The following DLGAP1 variants were observed in gnomAD, a reference collection of about 807,000 sequenced individuals.
DLGAP1 encodes the protein disks large-associated protein 1.
A neutral mutation model predicts 90.8 loss-of-function variants in DLGAP1; 11 were observed. That is an observed-to-expected ratio of 0.12 (90% CI 0.08 to 0.20). The LOEUF (loss-of-function observed/expected upper bound fraction) is 0.20, where lower values mean the gene tolerates loss of function less well. Ranked by LOEUF, DLGAP1 falls within the 10% of genes least tolerant of loss-of-function variation. The pLI, the probability that DLGAP1 is intolerant of heterozygous loss-of-function variation, is 1.00. For missense variants in DLGAP1, 1,050 were observed against 1,333.8 expected, an observed-to-expected ratio of 0.79 and a Z score of 3.31; for synonymous variants, 558 against 540.7, an observed-to-expected ratio of 1.03 and a Z score of -0.44.
intron 2 of DLGAP1, among the ~76,000 whole-genome samples, chr18:4,127,957 G>GT (rs1275521625): frequency 3.9e-5 from 6 of 152,292 alleles, no homozygotes; most frequent in African/African-American, 1.4e-4. Flanking sequence ...ATAGTCCACA[G>GT]TAAGACTGAG....
chr18:4,127,109 G>A (rs2076244253), intron 2 of DLGAP1, among the ~76,000 whole-genome samples: 1 of 152,120 alleles, frequency 6.6e-6, no homozygotes, highest in Non-Finnish European at 1.5e-5. Flanking sequence ...TTTCAGAAGA[G>A]GAACTGGAAG....
intron 1 of DLGAP1, among the ~76,000 whole-genome samples, chr18:4,181,635 G>A (rs1196751333): frequency 1.3e-5 from 2 of 151,984 alleles, no homozygotes; most frequent in African/African-American, 4.8e-5. Context: ...CACTATATCT[G>A]GACGACAATC....
chr18:3,965,807 G>A (rs932449979), intron 3 of DLGAP1, among the ~76,000 whole-genome samples: 3 of 151,798 alleles, frequency 2.0e-5, no homozygotes, highest in Non-Finnish European at 2.9e-5. Flanking sequence ...AATTATCCAG[G>A]CGTGATGGCA....
At chr18:4,019,627 G>A (rs147905293) in intron 2 of DLGAP1, among the ~76,000 whole-genome samples, 4 of 96,192 alleles carry the variant, frequency 4.2e-5, no homozygotes, top group Middle Eastern at 6.3e-3. Context: ...AGATAGTCAG[G>A]TTGTTTGGGG....
rs2075648523 is a variant in DLGAP1, at chr18:4,084,008, T to G, written c.-159+67172A>C. ...GGGGGCTTGGAGAATGAGTGCAAGG[T>G]TTTATTGAGTGGTGGAAGTAGCTCC... is the stretch of plus-strand genomic sequence containing the variant. On this transcript the variant is annotated intron_variant, in intron 2 of 12. Coordinates refer to ENST00000315677, the MANE Select transcript of DLGAP1 (RefSeq NM_004746.4). This position sits in a 1 kb window ranked among gnomAD's most constrained non-coding sequence, Gnocchi z 4.0. 6.6e-6 allele frequency among the ~76,000 whole-genome samples: 1 copy of G among 151,536 alleles called. No individual in the cohort carries two copies. The highest frequency in any genetic ancestry group is 6.6e-5 in the Admixed American group (1 of 15,224).
intron 7 of DLGAP1, among the ~76,000 whole-genome samples, chr18:3,632,581 G>T (rs933912554): frequency 1.3e-5 from 2 of 152,260 alleles, no homozygotes; most frequent in South Asian, 4.1e-4. Context: ...ACGATTACAG[G>T]TGTGAGCCAT....
At chr18:4,284,143 C>T (rs1175530627) in intron 1 of DLGAP1, among the ~76,000 whole-genome samples, 1 of 151,100 alleles carries the variant, frequency 6.6e-6, no homozygotes, top group Non-Finnish European at 1.5e-5. Flanking sequence ...GCACTATGAT[C>T]CACCTGTGAG....
chr18:4,033,055 C>A (rs900049021), intron 2 of DLGAP1, among the ~76,000 whole-genome samples: 7 of 152,060 alleles, frequency 4.6e-5, no homozygotes, highest in African/African-American at 1.7e-4. Flanking sequence ...ATAAAATAGT[C>A]CTTAATCAAT....
At position 4,330,026 on chromosome 18, in the gene DLGAP1, AAT is replaced by A. The variant is rs1007623999; in HGVS notation, c.-267+124978_-267+124979del. Among the ~76,000 whole-genome samples the A allele has an allele frequency of 1.1e-3, 174 of 152,122 alleles. 3 individuals are homozygous for A. The highest frequency in any genetic ancestry group is 3.2e-3 in the African/African-American group (131 of 41,570). ...TGAATTTTTTTTTGATATTTTAAAC[AAT>A]AGATTAAAATGCTTGATAGACATTG... On this transcript the variant is annotated intron_variant, in intron 1 of 12. Coordinates refer to ENST00000315677, the MANE Select transcript of DLGAP1 (RefSeq NM_004746.4).
At chr18:4,001,913 T>A (rs1377506578) in intron 3 of DLGAP1, among the ~76,000 whole-genome samples, 1 of 152,180 alleles carries the variant, frequency 6.6e-6, no homozygotes, top group Non-Finnish European at 1.5e-5. Flanking sequence ...ACTTGTGAAC[T>A]GTTTTTGTTT....
At chr18:4,063,946 T>C (rs188693649) in intron 2 of DLGAP1, among the ~76,000 whole-genome samples, 1 of 152,184 alleles carries the variant, frequency 6.6e-6, no homozygotes, top group African/African-American at 2.4e-5. Flanking sequence ...TTTTAGTGAA[T>C]CTTTAAGGGG....
intron 3 of DLGAP1, among the ~76,000 whole-genome samples, chr18:3,931,817 AG>A (rs1362862803): frequency 6.6e-6 from 1 of 152,170 alleles, no homozygotes; most frequent in Non-Finnish European, 1.5e-5. Context: ...ACTTTTTGCA[AG>A]TGTGGCCTAT....
chr18:4,068,840 A>G (rs1598343897), intron 2 of DLGAP1, among the ~76,000 whole-genome samples: 2 of 152,186 alleles, frequency 1.3e-5, no homozygotes, highest in East Asian at 3.8e-4. Context: ...TCCGATGTCC[A>G]CGCGTACAGG....
chr18:4,285,779 C>T (rs902119745), intron 1 of DLGAP1, among the ~76,000 whole-genome samples: 1 of 152,172 alleles, frequency 6.6e-6, no homozygotes, highest in Non-Finnish European at 1.5e-5. Flanking sequence ...TGAAACATGG[C>T]TACTGGGATT....
At chr18:3,620,408 A>C (rs528292727) in intron 7 of DLGAP1, among the ~76,000 whole-genome samples, 10 of 152,132 alleles carry the variant, frequency 6.6e-5, no homozygotes, top group Non-Finnish European at 1.5e-4. Flanking sequence ...CCCATTTCTG[A>C]CTTCTGACCT....
chr18:3,877,337 C>T (rs73940243), intron 4 of DLGAP1, among the ~76,000 whole-genome samples: 5,672 of 152,216 alleles, frequency 0.037, 311 homozygotes, highest in African/African-American at 0.12. Flanking sequence ...GCAGATATAA[C>T]GAAAACATTT....
At chr18:3,549,421 C>T (rs1206051276) in intron 9 of DLGAP1, among the ~76,000 whole-genome samples, 1 of 151,944 alleles carries the variant, frequency 6.6e-6, no homozygotes, top group Non-Finnish European at 1.5e-5. Context: ...CAACCTCCGC[C>T]TCCCAGGTTC....
At chr18:3,668,825 C>T (rs1042275383) in intron 7 of DLGAP1, among the ~76,000 whole-genome samples, 4 of 152,078 alleles carry the variant, frequency 2.6e-5, no homozygotes, top group African/African-American at 9.7e-5. Context: ...TGGTGAAACC[C>T]CGTCTCTACT....
At chr18:3,523,589 T>C (rs571439680) in intron 10 of DLGAP1, among the ~76,000 whole-genome samples, 40 of 152,040 alleles carry the variant, frequency 2.6e-4, no homozygotes, top group African/African-American at 9.2e-4. Context: ...GGCTCACGCC[T>C]GTAATCCCAG....
Sources: allele counts gnomAD v4.1 joint callset (sites outside exome capture counted in the v4.1 genomes callset), GRCh38; gene constraint gnomAD v4.1.1; non-coding constraint Gnocchi (gnomAD v3.1); transcripts MANE v1.5; gene names NCBI Gene and HGNC (gene_info 2026-07-23, HGNC 2026-07-21).